The following TMEM14B variants were observed in gnomAD, a reference collection of about 807,000 sequenced individuals.
The protein encoded by TMEM14B is transmembrane protein 14B.
A neutral mutation model predicts 14.8 loss-of-function variants in TMEM14B; 9 were observed. The observed-to-expected ratio is 0.61, with a 90% CI of 0.37 to 1.06. The LOEUF is 1.06. TMEM14B is among the 50% of genes least tolerant of loss of function. The probability of loss-of-function intolerance (pLI) is 0.01; values close to 1 mark genes in which losing one functional copy is unlikely to be tolerated. For missense variants in TMEM14B, 128 were observed against 143.6 expected, an observed-to-expected ratio of 0.89 and a Z score of 0.56; for synonymous variants, 40 against 51.3, an observed-to-expected ratio of 0.78 and a Z score of 0.94.
Position 10,756,621 on chromosome 6 carries a change from C to A in TMEM14B, c.*103C>A. On this transcript the variant is annotated 3_prime_UTR_variant, in exon 6 of 6. Transcript: ENST00000379542. ...ATAAGTGCAGCATTTTTGCATCTGA[C>A]ATTTTACCTAAAAAAAAAAAGACAC... The A allele has an allele frequency of 1.4e-6, 2 of 1,381,742 alleles. No individual in the cohort carries two copies. The highest frequency in any genetic ancestry group is 1.6e-5 in the African/African-American group (1 of 62,782). The allele number at this position is 1,381,742 out of a possible 1,614,324, so 85.6% of individuals were successfully genotyped here.
intron 1 of TMEM14B, 129 bp from the exon 2 acceptor site, chr6:10,749,073 G>T: frequency 3.2e-6 from 2 of 617,846 alleles, no homozygotes; most frequent in Non-Finnish European, 5.8e-6. Context: ...ATTGGTACCA[G>T]TGTTATCCTC....
intron 1 of TMEM14B, among the ~76,000 whole-genome samples, chr6:10,748,839 A>C (rs1055675006): frequency 6.6e-6 from 1 of 152,204 alleles, no homozygotes; most frequent in African/African-American, 2.4e-5. Context: ...AAGAGACATT[A>C]AAGTAGTTGG....
At chr6:10,751,340 C>A in intron 4 of TMEM14B, 106 bp downstream of exon 4, 4 of 1,291,608 alleles carry the variant, frequency 3.1e-6, no homozygotes, top group Non-Finnish European at 4.3e-6. Flanking sequence ...ACTTAATTTA[C>A]GACAGTTTCA....
In TMEM14B at chr6:10,749,256, C is replaced by T. The variant is rs146999531; in HGVS notation, c.11C>T (p.Pro4Leu). 5.8e-4 allele frequency: 940 copies of T among 1,614,128 alleles called. No homozygotes were observed. Among genetic ancestry groups the T allele is most frequent in the Middle Eastern group, 1.3e-3 (8 of 6,058 alleles). The change falls in exon 2 of 6, where the codon CCC (proline) becomes CTC (leucine). Residue 4 changes from proline (P) to leucine (L), a missense_variant. Transcript: ENST00000379542. MEK[P>L]LFPLVPLHWF... is the part of the protein sequence containing the mutation. The stretch of plus-strand genomic sequence containing the variant: ...ACTGAGAAGAGAAGAATGGAGAAGC[C>T]CCTCTTCCCATTGTGAGTAGACAGT...
downstream of TMEM14B, among the ~76,000 whole-genome samples, chr6:10,757,239 C>G (rs1278259711): frequency 1.3e-5 from 2 of 151,732 alleles, no homozygotes; most frequent in East Asian, 1.9e-4. Context: ...ACAATCATAT[C>G]TCACTGTAGC....
chr6:10,757,234 C>G (rs937966037), downstream of TMEM14B, among the ~76,000 whole-genome samples: 1 of 152,162 alleles, frequency 6.6e-6, no homozygotes, highest in Non-Finnish European at 1.5e-5. Context: ...GTGGTACAAT[C>G]ATATCTCACT....
At chr6:10,751,360 C>A in intron 4 of TMEM14B, 126 bp downstream of exon 4, 1 of 1,008,306 alleles carries the variant, frequency 9.9e-7, no homozygotes, top group Non-Finnish European at 1.5e-6. Context: ...ACTGCTTCTC[C>A]AAGTCCAAGT....
At chr6:10,755,368 A>G in intron 5 of TMEM14B, 136 bp downstream of exon 5, 2 of 1,538,630 alleles carry the variant, frequency 1.3e-6, no homozygotes, top group Middle Eastern at 1.7e-4. Flanking sequence ...ATACACTAAT[A>G]GGAGATGCTT....
intron 1 of TMEM14B, 21 bp from the exon 2 acceptor site, chr6:10,749,181 G>A (rs553159525): frequency 2.5e-6 from 4 of 1,576,540 alleles, no homozygotes; most frequent in Non-Finnish European, 3.5e-6. Flanking sequence ...AACCACTGCT[G>A]ATCCGGCTTG....
chr6:10,754,956 C>G (rs1771748457), intron 4 of TMEM14B, among the ~76,000 whole-genome samples, 186 bp from the exon 5 acceptor site: 1 of 152,158 alleles, frequency 6.6e-6, no homozygotes, highest in East Asian at 1.9e-4. Flanking sequence ...GTGAAGGGCC[C>G]TATTTGGCCA....
chr6:10,753,981 A>C (rs1771698549), intron 4 of TMEM14B, among the ~76,000 whole-genome samples: 1 of 152,130 alleles, frequency 6.6e-6, no homozygotes, highest in Non-Finnish European at 1.5e-5. Flanking sequence ...CGCTTTCAAA[A>C]TGCAACTCTG....
At chr6:10,757,724 C>T (rs1252517767), downstream of TMEM14B, among the ~76,000 whole-genome samples, 1 of 152,170 alleles carries the variant, frequency 6.6e-6, no homozygotes, top group South Asian at 2.1e-4. Context: ...GGCGCGGTGG[C>T]TCACGCCTGT....
intron 3 of TMEM14B, among the ~76,000 whole-genome samples, chr6:10,750,698 C>T (rs1037689321): frequency 4.0e-5 from 6 of 151,868 alleles, no homozygotes; most frequent in East Asian, 1.9e-4. Context: ...TCCTTGAGGA[C>T]GGGGCTGCCA....
Position 10,749,612 on chromosome 6 carries a change from G to T in TMEM14B, c.24-10G>T. 1 of 1,614,200 alleles carries T rather than the reference G, an allele frequency of 6.2e-7. No homozygotes were observed. Among genetic ancestry groups the T allele is most frequent in the Non-Finnish European group, 8.5e-7 (1 of 1,180,016 alleles). ...CACTGACTTCTCACTGACTTCTCTT[G>T]TGTTTTCAGAGTGCCTTTGCATTGG... On this transcript the variant is annotated splice_polypyrimidine_tract_variant and intron_variant, in intron 2 of 5. Coordinates refer to ENST00000379542, the MANE Select transcript of TMEM14B (RefSeq NM_030969.5).
intron 1 of TMEM14B, among the ~76,000 whole-genome samples, chr6:10,748,705 C>A (rs896003377): frequency 1.3e-5 from 2 of 152,020 alleles, no homozygotes; most frequent in South Asian, 4.1e-4. Context: ...TGTATTTTAC[C>A]CTCCCCTTCT....
chr6:10,755,854 C>T (rs960346569), intron 5 of TMEM14B: 5 of 182,212 alleles, frequency 2.7e-5, no homozygotes, highest in Non-Finnish European at 5.2e-5. Context: ...CTCGGGAGGT[C>T]GAGGCAGGAG....
intron 3 of TMEM14B, 67 bp from the exon 4 acceptor site, chr6:10,751,066 C>T (rs1204117430): frequency 6.3e-6 from 10 of 1,593,304 alleles, no homozygotes; most frequent in Middle Eastern, 2.2e-4. Flanking sequence ...GGCAGGAGGT[C>T]TGGTGGATTC....
downstream of TMEM14B, among the ~76,000 whole-genome samples, chr6:10,757,794 C>T (rs911120614): frequency 6.6e-6 from 1 of 151,962 alleles, no homozygotes; most frequent in African/African-American, 2.4e-5. Flanking sequence ...AGTTTGAGAC[C>T]AGCCTGGCCA....
chr6:10,759,367 AG>A (rs1771907446), downstream of TMEM14B: 1 of 152,270 alleles, frequency 6.6e-6, no homozygotes, highest in African/African-American at 2.4e-5. Context: ...TGGGAGGCTG[AG>A]GTGGGCAGAT....
Sources: gnomAD v4.1 joint callset for allele counts (sites outside exome capture counted in the v4.1 genomes callset) on GRCh38, gnomAD v4.1.1 for gene constraint, MANE v1.5 for transcripts, NCBI Gene and HGNC (gene_info 2026-07-23, HGNC 2026-07-21) for gene names.